KIF18B: variants seen among roughly 807,000 people sequenced by gnomAD.
The protein encoded by KIF18B is kinesin-like protein KIF18B.
In KIF18B, 49 loss-of-function variants were observed where a neutral mutation model predicts 80.9. That is an observed-to-expected ratio of 0.61 (90% confidence interval 0.48 to 0.77). KIF18B has a LOEUF of 0.77. Among genes scored for constraint, KIF18B ranks in the 30% least tolerant of loss-of-function variants. The probability of loss-of-function intolerance (pLI) is 0.00; values close to 1 mark genes in which losing one functional copy is unlikely to be tolerated. For synonymous variants in KIF18B, 439 were observed against 463.9 expected (o/e 0.95, Z 0.69); for missense variants, 994 against 1,127.7 (o/e 0.88, Z 1.70).
At chr17:44,936,584 CTCTCTCTCTCTCTCTATATATATATA>C (rs2052302518) in intron 1 of KIF18B, among the ~76,000 whole-genome samples, 1 of 57,898 alleles carries the variant, frequency 1.7e-5, no homozygotes, top group African/African-American at 6.5e-5. Context: ...CTCTCTCTCT[CTCTCTCTCTCTCTCTATATATATATA>C]TATATATATA....
chr17:44,932,296 G>A, intron 9 of KIF18B, 90 bp from the exon 10 acceptor site: 1 of 1,423,388 alleles, frequency 7.0e-7, no homozygotes, highest in Non-Finnish European at 9.4e-7. Context: ...TGGGAGAGCA[G>A]GGAGCGGGTG....
At chr17:44,933,821 G>A in intron 7 of KIF18B, 102 bp downstream of exon 7, 1 of 1,147,302 alleles carries the variant, frequency 8.7e-7, no homozygotes, top group Non-Finnish European at 1.2e-6. Context: ...CTGCCTTGGG[G>A]ACACTTGGCC....
chr17:44,939,040 A>G (rs1270350778), intron 1 of KIF18B, among the ~76,000 whole-genome samples: 3 of 145,428 alleles, frequency 2.1e-5, no homozygotes, highest in Non-Finnish European at 4.5e-5. Context: ...GTGAAACTCC[A>G]TCTCAAAAAA....
Position 44,926,973 on chromosome 17 carries a change from A to G in KIF18B, c.2366+16T>C, listed in dbSNP as rs1183018357. The G allele has an allele frequency of 6.3e-7, 1 of 1,596,652 alleles. No homozygotes were observed. Among genetic ancestry groups the G allele is most frequent in the Non-Finnish European group, 8.5e-7 (1 of 1,170,874 alleles). ...GAGCTCCTTCTCCCAGACAGCTGAC[A>G]CCTCCCAAACCTCACCTCGCAACGC... is the stretch of plus-strand genomic sequence containing the variant. On this transcript the variant is annotated intron_variant, in intron 14 of 15. Coordinates refer to ENST00000593135, the MANE Select transcript of KIF18B (RefSeq NM_001265577.2).
rs977347921 is a variant in KIF18B at position 44,927,668 on chromosome 17, C to T, written c.2276+358G>A. 6.6e-6 allele frequency among the ~76,000 whole-genome samples: 1 copy of T among 152,200 alleles called. No individual in the cohort carries two copies. The highest frequency in any genetic ancestry group is 6.5e-5 in the Admixed American group (1 of 15,284). On this transcript the variant is annotated intron_variant, in intron 13 of 15. Coordinates refer to ENST00000593135, the MANE Select transcript of KIF18B (RefSeq NM_001265577.2). This position sits in a 1 kb window ranked among gnomAD's most constrained non-coding sequence, Gnocchi z 4.1. ...TTCCCAGTGGAACATAGAATGCAGCCCAGGCCAAAGAGCCCAAGTAAAGAG... is the reference window on the plus strand; with the variant it reads ...TTCCCAGTGGAACATAGAATGCAGCTCAGGCCAAAGAGCCCAAGTAAAGAG...
intron 1 of KIF18B, among the ~76,000 whole-genome samples, chr17:44,945,915 A>G (rs1001940360): frequency 6.6e-6 from 1 of 151,178 alleles, no homozygotes; most frequent in African/African-American, 2.4e-5. Context: ...AGAAAAAAAA[A>G]AAAAAAAAAA....
At chr17:44,931,342 A>G (rs986622229) in intron 11 of KIF18B, among the ~76,000 whole-genome samples, 2 of 152,166 alleles carry the variant, frequency 1.3e-5, no homozygotes, top group Non-Finnish European at 2.9e-5. Context: ...GCCCTGACCC[A>G]GGGTCTGCTG....
chr17:44,936,600 A>C (rs11870021), intron 1 of KIF18B, among the ~76,000 whole-genome samples: 2,046 of 32,856 alleles, frequency 0.062, 20 homozygotes, highest in Non-Finnish European at 0.076. Flanking sequence ...CTCTCTCTCT[A>C]TATATATATA....
rs773874051 is a variant in KIF18B, at chr17:44,934,813, C to A, written c.576+18G>T. The A allele has an allele frequency of 1.3e-6, 2 of 1,520,450 alleles. No homozygotes were observed. Among genetic ancestry groups the A allele is most frequent in the East Asian group, 5.0e-5 (2 of 40,294 alleles). The allele number at this position is 1,520,450 out of a possible 1,614,324, so 94.2% of individuals were successfully genotyped here. ...GGACCCATGGGGCCGATCATCCTACCCGAGCCCAATCCCACACCTGGTGGA... is the reference window on the plus strand; with the variant it reads ...GGACCCATGGGGCCGATCATCCTACACGAGCCCAATCCCACACCTGGTGGA... On this transcript the variant is annotated intron_variant, in intron 4 of 15. Coordinates refer to ENST00000593135, the MANE Select transcript of KIF18B (RefSeq NM_001265577.2). The surrounding 1 kb of genome is among the most constrained non-coding windows in gnomAD (Gnocchi z 5.4).
chr17:44,936,584 CTCTCTCTCTCTCTCTATATA>C (rs1433952541), intron 1 of KIF18B, among the ~76,000 whole-genome samples: 37 of 57,874 alleles, frequency 6.4e-4, no homozygotes, highest in African/African-American at 1.8e-3. Context: ...CTCTCTCTCT[CTCTCTCTCTCTCTCTATATA>C]TATATATATA....
intron 7 of KIF18B, among the ~76,000 whole-genome samples, 153 bp downstream of exon 7, chr17:44,933,770 G>A (rs939291230): frequency 2.4e-4 from 37 of 152,108 alleles, no homozygotes; most frequent in African/African-American, 8.7e-4. Flanking sequence ...TGGGATTACA[G>A]GCATGAGCCA....
intron 12 of KIF18B, 77 bp downstream of exon 12, chr17:44,928,742 T>G (rs2052084510): frequency 6.7e-7 from 1 of 1,487,468 alleles, no homozygotes. Flanking sequence ...CTGAGGCCCC[T>G]GGACACCCCT....
intron 11 of KIF18B, among the ~76,000 whole-genome samples, chr17:44,930,015 T>C (rs1273610200): frequency 6.6e-6 from 1 of 152,226 alleles, no homozygotes; most frequent in Admixed American, 6.5e-5. Context: ...CTCAGGTAGT[T>C]CTACTGGCCT....
chr17:44,927,272 G>A lies in KIF18B; in HGVS notation c.2277-194C>T, dbSNP rs935163542. On this transcript the variant is annotated intron_variant, in intron 13 of 15. Coordinates refer to ENST00000593135, the MANE Select transcript of KIF18B (RefSeq NM_001265577.2). This position sits in a 1 kb window ranked among gnomAD's most constrained non-coding sequence, Gnocchi z 4.1. Reference sequence around the variant, plus strand: ...GCTGAGTGACAGGCCTGCTCTGGGAGGACATCCAGATGCCAGTTTCTGGTG... The same window carrying A: ...GCTGAGTGACAGGCCTGCTCTGGGAAGACATCCAGATGCCAGTTTCTGGTG... 6.6e-6 allele frequency among the ~76,000 whole-genome samples: 1 copy of A among 152,208 alleles called. No individual in the cohort carries two copies. Among genetic ancestry groups the A allele is most frequent in the African/African-American group, 2.4e-5 (1 of 41,462 alleles).
intron 1 of KIF18B, among the ~76,000 whole-genome samples, chr17:44,937,565 G>A (rs2052334292): frequency 6.6e-6 from 1 of 152,124 alleles, no homozygotes; most frequent in Non-Finnish European, 1.5e-5. Flanking sequence ...ATAATTACTA[G>A]TATGGAGGAA....
At position 44,926,471 on chromosome 17, in the gene KIF18B, T is replaced by C. The variant is rs780233602; in HGVS notation, c.2395A>G (p.Ile799Val). ...SSSVSHGRSRIARLPSSTLKR... is the reference protein window; with the variant it reads ...SSSVSHGRSRVARLPSSTLKR... ...AAAGTGCTGCTGGGGAGGCGGGCGATGCGGCTGCGGCCATGGGAGACTGAG... is the reference window on the plus strand; with the variant it reads ...AAAGTGCTGCTGGGGAGGCGGGCGACGCGGCTGCGGCCATGGGAGACTGAG... Residue 799 changes from isoleucine to valine, a missense_variant, in exon 15 of 16, where the codon ATC (isoleucine) becomes GTC (valine). Physicochemically the swap from Ile to Val is conservative, Grantham distance 29. Coordinates refer to ENST00000593135, the MANE Select transcript of KIF18B (RefSeq NM_001265577.2). The C allele has an allele frequency of 1.0e-5, 16 of 1,588,760 alleles. No individual in the cohort carries two copies. The Admixed American group carries it at 2.6e-4, about 25-fold the overall frequency.
intron 1 of KIF18B, among the ~76,000 whole-genome samples, chr17:44,943,088 A>G (rs1333250054): frequency 1.3e-5 from 2 of 152,056 alleles, no homozygotes; most frequent in Non-Finnish European, 2.9e-5. Context: ...CATGCAGAGG[A>G]AGAAATTGTG....
chr17:44,934,864 C>A lies in KIF18B; in HGVS notation c.543G>T (p.Lys181Asn), dbSNP rs1308906104. Residue 181 changes from lysine (K) to asparagine (N), a missense_variant, in exon 4 of 16, where the codon AAG (lysine) becomes AAT (asparagine). Lys to Asn is a moderately conservative substitution (Grantham distance 94). Coordinates refer to ENST00000593135, the MANE Select transcript of KIF18B (RefSeq NM_001265577.2). This position sits in a 1 kb window ranked among gnomAD's most constrained non-coding sequence, Gnocchi z 5.4. ...AAGAAAGTCCTTGCACCACCACCCC[C>A]TTGTCGGGGTCCTCGCGGATGGCAA... Reference protein sequence around the residue: ...GPLAIREDPDKGVVVQGLSFH... With the variant: ...GPLAIREDPDNGVVVQGLSFH... The A allele has an allele frequency of 6.4e-7, 1 of 1,550,850 alleles. No homozygotes were observed. The highest frequency in any genetic ancestry group is 2.4e-5 in the East Asian group (1 of 40,912).
chr17:44,931,729 C>A lies in KIF18B; in HGVS notation c.1390G>T (p.Val464Phe), dbSNP rs772617032. The A allele has an allele frequency of 2.5e-6, 4 of 1,613,664 alleles. No homozygotes were observed. In the Admixed American group the frequency reaches 5.0e-5, roughly 20 times the overall value. The change falls in exon 11 of 16, where the codon GTT becomes TTT. Residue 464 changes from valine to phenylalanine, a missense_variant and splice_region_variant. Transcript: ENST00000593135. ...EDEDEGPAEE[V>F]PTQMPEQNPT... ...TTCTGCTCTGGCATCTGGGTTGGAACCTAAAGAGGAAGGAAAAGGCACAGG... is the reference window on the plus strand; with the variant it reads ...TTCTGCTCTGGCATCTGGGTTGGAAACTAAAGAGGAAGGAAAAGGCACAGG...
Sources: gnomAD v4.1 joint callset for allele counts (sites outside exome capture counted in the v4.1 genomes callset) on GRCh38, gnomAD v4.1.1 for gene constraint, Gnocchi (gnomAD v3.1) non-coding constraint, MANE v1.5 for transcripts, NCBI Gene and HGNC (gene_info 2026-07-23, HGNC 2026-07-21) for gene names.